Variants in SUPT20H observed in about 807,000 individuals in gnomAD.
SUPT20H encodes the protein transcription factor SPT20 homolog.
SUPT20H carries 82 observed loss-of-function variants against 122.8 expected under a neutral mutation model. The observed-to-expected ratio is 0.67, with a 90% CI of 0.56 to 0.80. The LOEUF (loss-of-function observed/expected upper bound fraction) is 0.80. SUPT20H is among the 30% of genes least tolerant of loss of function. The pLI is 0.00. For synonymous variants in SUPT20H, 291 were observed against 313.0 expected, an observed-to-expected ratio of 0.93 and a Z score of 0.74; for missense variants, 831 against 921.6, an observed-to-expected ratio of 0.90 and a Z score of 1.27.
chr13:37,040,821 T>G (rs2138627577), intron 7 of SUPT20H, 129 bp from the exon 8 acceptor site: 1 of 648,340 alleles, frequency 1.5e-6, no homozygotes. Flanking sequence ...TACTCTTCAG[T>G]AGATTTCCTT....
intron 1 of SUPT20H, among the ~76,000 whole-genome samples, chr13:37,058,243 C>A (rs894187029): frequency 9.9e-5 from 15 of 152,138 alleles, no homozygotes; most frequent in African/African-American, 3.6e-4. Context: ...CCAGCCTGGA[C>A]AACAAGAGTG....
intron 23 of SUPT20H, among the ~76,000 whole-genome samples, chr13:37,015,480 T>TA (rs111755282): frequency 0.011 from 1,399 of 125,960 alleles, 11 homozygotes; most frequent in African/African-American, 0.028. Context: ...GAAGGCTGCT[T>TA]AAAAAAAAAA....
intron 20 of SUPT20H, 140 bp downstream of exon 20, chr13:37,021,871 C>A: frequency 2.0e-6 from 2 of 1,002,546 alleles, no homozygotes; most frequent in Non-Finnish European, 2.9e-6. Flanking sequence ...CATGGTCAGG[C>A]AGCTTCTGTC....
chr13:37,010,860 C>G (rs2059484685), intron 24 of SUPT20H: 1 of 464,774 alleles, frequency 2.2e-6, no homozygotes, highest in Non-Finnish European at 3.9e-6. Context: ...TTTCTGGACA[C>G]AAAAAGAGAA....
chr13:37,021,517 C>T lies in SUPT20H; in HGVS notation c.1747G>A (p.Gly583Ser), dbSNP rs199796421. Residue 583 changes from glycine (G) to serine (S), a missense_variant, in exon 21 of 26, where the codon GGC becomes AGC. By Grantham distance (56) the Gly-to-Ser change is moderately conservative. Coordinates refer to ENST00000350612, the MANE Select transcript of SUPT20H (RefSeq NM_001014286.3). ...AGCAGACCTCCTGAGGGTAGAAGGCCGCTCAGGTTTATTCCTGCAGGAGTT... is the reference window on the plus strand; with the variant it reads ...AGCAGACCTCCTGAGGGTAGAAGGCTGCTCAGGTTTATTCCTGCAGGAGTT... Reference protein sequence around the residue: ...AITPAGINLSGLLPSGGLLPN... With the variant: ...AITPAGINLSSLLPSGGLLPN... 61 of 1,613,646 alleles carry T rather than the reference C, an allele frequency of 3.8e-5. No homozygotes were observed. Among genetic ancestry groups the T allele is most frequent in the Middle Eastern group, 1.7e-4 (1 of 6,008 alleles).
chr13:37,053,682 A>C (rs902850779), intron 1 of SUPT20H, among the ~76,000 whole-genome samples: 8 of 147,606 alleles, frequency 5.4e-5, no homozygotes, highest in African/African-American at 2.2e-4. Context: ...CCAGAACTTA[A>C]ACTAAAATTA....
Position 37,044,167 on chromosome 13 carries a change from G to T in SUPT20H, c.307C>A (p.Arg103=), listed in dbSNP as rs2065989532. The change falls in exon 7 of 26, where the codon CGA becomes AGA. Residue 103 remains arginine, a synonymous_variant. Transcript: ENST00000350612. The part of the protein sequence containing the change: ...GKNGSDSETI[R]LPYEEGELLE... ...AACTCTCCTTCTTCATAGGGCAGTC[G>T]AATGGTCTCGGAATCTTAATTTAAA... 6.2e-7 allele frequency: 1 copy of T among 1,610,346 alleles called. No individual in the cohort carries two copies. Among genetic ancestry groups the T allele is most frequent in the South Asian group, 1.1e-5 (1 of 90,298 alleles).
chr13:37,026,725 C>G (rs2062350879), intron 15 of SUPT20H, 65 bp downstream of exon 15: 2 of 961,238 alleles, frequency 2.1e-6, no homozygotes, highest in Non-Finnish European at 3.0e-6. Flanking sequence ...TTTAGCAAGT[C>G]TTTTTAAAGA....
At chr13:37,053,063 T>G (rs1458976274) in intron 1 of SUPT20H, among the ~76,000 whole-genome samples, 1 of 152,198 alleles carries the variant, frequency 6.6e-6, no homozygotes, top group African/African-American at 2.4e-5. Context: ...ACTTTTACAC[T>G]GTTGGTGGTA....
At chr13:37,056,176 A>T (rs1187764115) in intron 1 of SUPT20H, among the ~76,000 whole-genome samples, 1 of 152,248 alleles carries the variant, frequency 6.6e-6, no homozygotes, top group Non-Finnish European at 1.5e-5. Context: ...GGGACTGTAA[A>T]CTAGCTCAAC....
chr13:37,009,487 A>G lies in SUPT20H; in HGVS notation c.*185T>C. Reference sequence around the variant, plus strand: ...AAAAAGCAATGACTTAGGCAAACCAACCCTAGTTTGTTAAACCATTTCCCT... The same window carrying G: ...AAAAAGCAATGACTTAGGCAAACCAGCCCTAGTTTGTTAAACCATTTCCCT... On this transcript the variant is annotated 3_prime_UTR_variant, in exon 26 of 26. Coordinates refer to ENST00000350612, the MANE Select transcript of SUPT20H (RefSeq NM_001014286.3). 1.2e-6 allele frequency: 1 copy of G among 852,634 alleles called. No individual in the cohort carries two copies. The allele number at this position is 852,634 out of a possible 1,614,324, so 52.8% of individuals were successfully genotyped here. A position where few individuals can be genotyped will look rare whatever the true frequency, so the allele number is the denominator to read the frequency against.
In SUPT20H at chr13:37,028,862, G is replaced by A. The variant is rs11617217; in HGVS notation, c.994-557C>T. Among the ~76,000 whole-genome samples the A allele has an allele frequency of 4.2e-3, 635 of 151,140 alleles. 3 individuals are homozygous for A. The highest frequency in any genetic ancestry group is 7.5e-3 in the Non-Finnish European group (506 of 67,856). The stretch of plus-strand genomic sequence containing the variant: ...GCAGTACAGGATTCTTTTTTACATG[G>A]TACTCTGGGAATGAGAGTTTAAATG... On this transcript the variant is annotated intron_variant, in intron 13 of 25. Transcript: ENST00000350612.
chr13:37,052,347 C>T (rs1422507001), intron 1 of SUPT20H, among the ~76,000 whole-genome samples: 3 of 152,078 alleles, frequency 2.0e-5, no homozygotes, highest in African/African-American at 7.2e-5. Context: ...ACCAACAGAA[C>T]AGAGGCCTCA....
intron 7 of SUPT20H, 88 bp downstream of exon 7, chr13:37,043,990 T>A: frequency 2.7e-6 from 2 of 740,178 alleles, no homozygotes; most frequent in Non-Finnish European, 2.2e-6. Context: ...TTTATATACA[T>A]ATATGTATAC....
rs926869399 is a variant in SUPT20H at position 37,020,320 on chromosome 13, A to C, written c.1817-923T>G. 2.0e-5 allele frequency among the ~76,000 whole-genome samples: 3 copies of C among 152,200 alleles called. No individual in the cohort carries two copies. In the East Asian group the frequency reaches 5.8e-4, roughly 29 times the overall value. ...CTTTCTGGAAAAATTCTCATTTAAG[A>C]AAATGGCTTAACCCCCTTTTAAAAG... On this transcript the variant is annotated intron_variant, in intron 21 of 25. Transcript: ENST00000350612.
rs1224476011 is a variant in SUPT20H at position 37,026,913 on chromosome 13, A to T, written c.1152-97T>A. The T allele has an allele frequency of 4.0e-6, 3 of 747,980 alleles. No homozygotes were observed. In the African/African-American group the frequency reaches 5.6e-5, roughly 14 times the overall value. The allele number at this position is 747,980 out of a possible 1,614,324, so 46.3% of individuals were successfully genotyped here. On this transcript the variant is annotated intron_variant, in intron 14 of 25. Coordinates refer to ENST00000350612, the MANE Select transcript of SUPT20H (RefSeq NM_001014286.3). ...AGTATTTTATGAATATGGAAGAATGACTGGAAGATAATAAATCATGCAGCT... is the reference window on the plus strand; with the variant it reads ...AGTATTTTATGAATATGGAAGAATGTCTGGAAGATAATAAATCATGCAGCT...
Position 37,048,566 on chromosome 13 carries a change from C to G in SUPT20H, c.37G>C (p.Glu13Gln). ...TATGTAACTTAGTCACACCTCACCT[C>G]TGCACGATCCAAAGCTAGTTCTAAA... ...QALELALDRA[E>Q]YVIESARQRP... The change falls in exon 3 of 26, where the codon GAG (glutamate) becomes CAG (glutamine). Residue 13 changes from glutamate (E) to glutamine (Q), a missense_variant and splice_region_variant. By Grantham distance (29) the Glu-to-Gln change is conservative. Coordinates refer to ENST00000350612, the MANE Select transcript of SUPT20H (RefSeq NM_001014286.3). The G allele has an allele frequency of 6.2e-7, 1 of 1,601,040 alleles. No homozygotes were observed. Among genetic ancestry groups the G allele is most frequent in the East Asian group, 2.3e-5 (1 of 44,218 alleles).
Position 37,026,188 on chromosome 13 carries a change from A to T in SUPT20H, c.1211+16T>A. The stretch of plus-strand genomic sequence containing the variant: ...ATATCCATCCTGACCAAAATAAGAG[A>T]TGCAAATATTTTTACCTCTCAGCAT... On this transcript the variant is annotated intron_variant, in intron 16 of 25. Coordinates refer to ENST00000350612, the MANE Select transcript of SUPT20H (RefSeq NM_001014286.3). 1 of 1,559,510 alleles carries T rather than the reference A, an allele frequency of 6.4e-7. No homozygotes were observed. The highest frequency in any genetic ancestry group is 8.6e-7 in the Non-Finnish European group (1 of 1,160,344).
chr13:37,038,789 T>C (rs189732548), intron 9 of SUPT20H: 69 of 152,370 alleles, frequency 4.5e-4, no homozygotes, highest in Middle Eastern at 3.4e-3. Flanking sequence ...TAAGCTGTTA[T>C]AACATGTCTG....
Sources: allele counts gnomAD v4.1 joint callset (sites outside exome capture counted in the v4.1 genomes callset), GRCh38; gene constraint gnomAD v4.1.1; transcripts MANE v1.5; gene names NCBI Gene and HGNC (gene_info 2026-07-23, HGNC 2026-07-21).